The following EMC1 variants were observed in gnomAD, a reference collection of about 807,000 sequenced individuals.
The protein encoded by EMC1 is ER membrane protein complex subunit 1.
A neutral mutation model predicts 128.8 loss-of-function variants in EMC1; 103 were observed. That is an observed-to-expected ratio of 0.80 (90% CI 0.68 to 0.94). EMC1 has a LOEUF of 0.94. Ranked by LOEUF, EMC1 falls within the 40% of genes least tolerant of loss-of-function variation. The probability of loss-of-function intolerance (pLI) is 0.00; values close to 1 mark genes in which losing one functional copy is unlikely to be tolerated. For synonymous variants in EMC1, 442 were observed against 490.4 expected, an observed-to-expected ratio of 0.90 and a Z score of 1.30; for missense variants, 1,083 against 1,250.6, an observed-to-expected ratio of 0.87 and a Z score of 2.02.
intron 17 of EMC1, among the ~76,000 whole-genome samples, chr1:19,230,298 C>T (rs563007250): frequency 2.0e-5 from 3 of 152,172 alleles, no homozygotes; most frequent in African/African-American, 7.2e-5. Flanking sequence ...GGGCCAGGCG[C>T]GGTGGCTCAC....
Position 19,232,782 on chromosome 1 carries a change from TAAAC to T in EMC1, c.1633-13_1633-10del, listed in dbSNP as rs1217450576. On this transcript the variant is annotated splice_polypyrimidine_tract_variant and intron_variant, in intron 14 of 22. Transcript: ENST00000477853. ...CTCTCAATGCCAAAAAGCTGCAAGA[TAAAC>T]AAATACTTGGCTCACTACTAGAAAG... is the stretch of plus-strand genomic sequence containing the variant. 5 of 1,613,952 alleles carry T rather than the reference TAAAC, an allele frequency of 3.1e-6. No homozygotes were observed. The highest frequency in any genetic ancestry group is 4.2e-6 in the Non-Finnish European group (5 of 1,179,942).
In EMC1 at chr1:19,222,793, G is replaced by T. The variant is rs766175186; in HGVS notation, c.2418C>A (p.Thr806=). 5.6e-6 allele frequency: 9 copies of T among 1,613,298 alleles called. No homozygotes were observed. In the African/African-American group the frequency reaches 1.2e-4, roughly 22 times the overall value. Residue 806 remains threonine, a synonymous_variant, in exon 20 of 23, where the codon ACC becomes ACA. Coordinates refer to ENST00000477853, the MANE Select transcript of EMC1 (RefSeq NM_015047.3). ...CAGTGCCCTCATAGAGCTCCAGTAC[G>T]GTAAACTCGTTGCGCCGAGCCTTGG... ...WNTKARRNEF[T]VLELYEGTEQ...
In EMC1 at chr1:19,242,490, G is replaced by T; in HGVS notation, c.381-17C>A. On this transcript the variant is annotated splice_polypyrimidine_tract_variant and intron_variant, in intron 4 of 22. Coordinates refer to ENST00000477853, the MANE Select transcript of EMC1 (RefSeq NM_015047.3). ...GCCTGGAAACTGAACACAAGTACAG[G>T]TTGAGAGCAGCCCACACCTGCAGAG... is the stretch of plus-strand genomic sequence containing the variant. 6.2e-7 allele frequency: 1 copy of T among 1,613,972 alleles called. No homozygotes were observed. Among genetic ancestry groups the T allele is most frequent in the Non-Finnish European group, 8.5e-7 (1 of 1,179,992 alleles).
intron 1 of EMC1, among the ~76,000 whole-genome samples, chr1:19,248,772 A>G (rs1324164599): frequency 6.6e-6 from 1 of 152,178 alleles, no homozygotes; most frequent in Admixed American, 6.5e-5. Context: ...CAGCCTCCCA[A>G]AGTGCTAGGA....
At chr1:19,225,831 A>AG (rs1372745838) in intron 18 of EMC1, among the ~76,000 whole-genome samples, 2 of 152,002 alleles carry the variant, frequency 1.3e-5, no homozygotes, top group African/African-American at 4.8e-5. Flanking sequence ...AAAAAAAAAA[A>AG]AAGAGTCAAT....
chr1:19,232,963 C>T lies in EMC1; in HGVS notation c.1605G>A (p.Met535Ile). 6.2e-7 allele frequency: 1 copy of T among 1,614,150 alleles called. No homozygotes were observed. The highest frequency in any genetic ancestry group is 8.5e-7 in the Non-Finnish European group (1 of 1,180,020). ...LARDEFNLQK[M>I]MVMVTASGKL... ...TGCCTGAGGCTGTTACCATCACCAT[C>T]ATCTTCTGGAGGTTGAATTCATCTC... The change falls in exon 14 of 23, where the codon ATG (methionine) becomes ATA (isoleucine). Residue 535 changes from methionine to isoleucine, a missense_variant. By Grantham distance (10) the Met-to-Ile change is conservative. Coordinates refer to ENST00000477853, the MANE Select transcript of EMC1 (RefSeq NM_015047.3).
rs201271494 is a variant in EMC1 at position 19,230,930 on chromosome 1, G to A, written c.1978C>T (p.Arg660Ter). 1.4e-4 allele frequency: 226 copies of A among 1,614,020 alleles called. No individual in the cohort carries two copies. The highest frequency in any genetic ancestry group is 1.8e-4 in the Non-Finnish European group (212 of 1,180,020). The change falls in exon 17 of 23, where the codon CGA becomes TGA. Residue 660 changes from arginine (R) to a stop codon, truncating the protein, a stop_gained. Coordinates refer to ENST00000477853, the MANE Select transcript of EMC1 (RefSeq NM_015047.3). LOFTEE classifies it high-confidence loss of function. ...TAFPATRNVLRQLHELAPSIF... is the reference protein window; with the variant it reads ...TAFPATRNVL ...GAAGGGGCAAGCTCATGTAGCTGTC[G>A]CAAGACATTCCGAGTGGCTGGAAAA...
rs998362250 is a variant in EMC1 at position 19,239,303 on chromosome 1, C to G, written c.955-1G>C. The G allele has an allele frequency of 7.4e-6, 12 of 1,613,952 alleles. No individual in the cohort carries two copies. The highest frequency in any genetic ancestry group is 1.7e-5 in the Admixed American group (1 of 60,008). ...TGGTGGCAAAGCTCACTAGGGCAGT[C>G]TGGGGGAAAAGCAAGGCATCAGCTC... On this transcript the variant is annotated splice_acceptor_variant, in intron 8 of 22. Transcript: ENST00000477853. LOFTEE classifies it high-confidence loss of function.
In EMC1 at chr1:19,222,680, ATGGAGGACGGGAAGATATAGGACTGC is replaced by A. The variant is rs775997991; in HGVS notation, c.2505_2530del (p.Gln835HisfsTer32). 2 of 1,614,080 alleles carry A rather than the reference ATGGAGGACGGGAAGATATAGGACTGC, an allele frequency of 1.2e-6. No individual in the cohort carries two copies. Among genetic ancestry groups the A allele is most frequent in the South Asian group, 2.2e-5 (2 of 91,076 alleles). ...GGTGATGGTGGCCTCCATGGCACTG[ATGGAGGACGGGAAGATATAGGACTGC>A]TGGAGGACCTGGGGCAGCTGGGGGC... is the stretch of plus-strand genomic sequence containing the variant. On this transcript the variant is annotated frameshift_variant, in exon 20 of 23. Coordinates refer to ENST00000477853, the MANE Select transcript of EMC1 (RefSeq NM_015047.3). LOFTEE classifies it high-confidence loss of function.
intron 18 of EMC1, among the ~76,000 whole-genome samples, chr1:19,226,374 T>C (rs2093473282): frequency 6.6e-6 from 1 of 151,954 alleles, no homozygotes; most frequent in Non-Finnish European, 1.5e-5. Flanking sequence ...CTCAACACTT[T>C]GGGAGGCTAA....
Position 19,231,346 on chromosome 1 carries a change from T to A in EMC1, c.1859A>T (p.Lys620Met), listed in dbSNP as rs1287879247. 2 of 1,612,640 alleles carry A rather than the reference T, an allele frequency of 1.2e-6. No homozygotes were observed. The highest frequency in any genetic ancestry group is 1.7e-6 in the Non-Finnish European group (2 of 1,179,660). The change falls in exon 16 of 23, where the codon AAG (lysine) becomes ATG (methionine). Residue 620 changes from lysine to methionine, a missense_variant. By Grantham distance (95) the Lys-to-Met change is moderately conservative. Coordinates refer to ENST00000477853, the MANE Select transcript of EMC1 (RefSeq NM_015047.3). Reference protein sequence around the residue: ...KWSQVAPPVLKRPILQSLLLP... With the variant: ...KWSQVAPPVLMRPILQSLLLP... ...AAGCAAGGACTGCAAGATGGGGCGCTTCAGCACTGGGGGAGCTACCTGACT... is the reference window on the plus strand; with the variant it reads ...AAGCAAGGACTGCAAGATGGGGCGCATCAGCACTGGGGGAGCTACCTGACT...
At position 19,241,005 on chromosome 1, in the gene EMC1, C is replaced by A. The variant is rs979335862; in HGVS notation, c.636+11G>T. The A allele has an allele frequency of 1.2e-6, 2 of 1,613,288 alleles. No homozygotes were observed. Among genetic ancestry groups the A allele is most frequent in the Non-Finnish European group, 1.7e-6 (2 of 1,179,578 alleles). ...CCACCTTATTCACAGGCTCCTGTCA[C>A]CCTCCTGTACCTGCTGAACAATCTC... On this transcript the variant is annotated intron_variant, in intron 6 of 22. Coordinates refer to ENST00000477853, the MANE Select transcript of EMC1 (RefSeq NM_015047.3).
Position 19,218,007 on chromosome 1 carries a change from A to G in EMC1, c.*1296T>C, listed in dbSNP as rs1042181154. 2.0e-5 allele frequency: 3 copies of G among 152,222 alleles called. No individual in the cohort carries two copies. Among genetic ancestry groups the G allele is most frequent in the African/African-American group, 7.2e-5 (3 of 41,460 alleles). The allele number at this position is 152,222 out of a possible 1,614,324, so 9.4% of individuals were successfully genotyped here. A position where few individuals can be genotyped will look rare whatever the true frequency, so the allele number is the denominator to read the frequency against. ...TACTAAAATAAAATACACTTACTCC[A>G]TGTCTTCACTGCTTTTATCCCCTCT... On this transcript the variant is annotated 3_prime_UTR_variant, in exon 23 of 23. Coordinates refer to ENST00000477853, the MANE Select transcript of EMC1 (RefSeq NM_015047.3).
intron 1 of EMC1, among the ~76,000 whole-genome samples, chr1:19,246,251 G>A (rs544618063): frequency 2.6e-4 from 40 of 151,988 alleles, no homozygotes; most frequent in Non-Finnish European, 4.9e-4. Context: ...TTAGCTGGGC[G>A]TGGTGGCACG....
chr1:19,244,129 G>A, intron 2 of EMC1, 114 bp from the exon 3 acceptor site: 2 of 997,430 alleles, frequency 2.0e-6, no homozygotes, highest in Admixed American at 2.0e-5. Flanking sequence ...TATCTCGAGG[G>A]AGTGAAGGAG....
intron 17 of EMC1, 133 bp downstream of exon 17, chr1:19,230,711 T>G: frequency 8.3e-7 from 1 of 1,198,246 alleles, no homozygotes; most frequent in Non-Finnish European, 1.2e-6. Flanking sequence ...ATGATTGACT[T>G]TGTATCAGAC....
rs796139124 is a variant in EMC1 at position 19,223,217 on chromosome 1, G to A, written c.2376+179C>T. 2.4e-4 allele frequency among the ~76,000 whole-genome samples: 36 copies of A among 152,290 alleles called. 1 individual carries two copies. Among genetic ancestry groups the A allele is most frequent in the African/African-American group, 8.7e-4 (36 of 41,554 alleles). The stretch of plus-strand genomic sequence containing the variant: ...GTTATACAGTCAGGAAACGGAAGAG[G>A]TAAGATTAAACCTAGGCAATCTGAT... On this transcript the variant is annotated intron_variant, in intron 19 of 22. Transcript: ENST00000477853.
chr1:19,233,195 T>C (rs1229299003), intron 13 of EMC1, 60 bp from the exon 14 acceptor site: 2 of 1,440,972 alleles, frequency 1.4e-6, no homozygotes, highest in Non-Finnish European at 1.9e-6. Flanking sequence ...AGGAGGTACA[T>C]GATTTTCCTA....
chr1:19,219,787 G>T, intron 21 of EMC1, 89 bp from the exon 22 acceptor site: 1 of 1,478,226 alleles, frequency 6.8e-7, no homozygotes, highest in Non-Finnish European at 9.4e-7. Context: ...AGGTTTCCAG[G>T]CTACATATCT....
Sources: gnomAD v4.1 joint callset for allele counts (sites outside exome capture counted in the v4.1 genomes callset) on GRCh38, gnomAD v4.1.1 for gene constraint, MANE v1.5 for transcripts, NCBI Gene and HGNC (gene_info 2026-07-23, HGNC 2026-07-21) for gene names.